PRCP: variants seen among roughly 807,000 people sequenced by gnomAD.
PRCP encodes prolylcarboxypeptidase, also known as lysosomal Pro-X carboxypeptidase.
A neutral mutation model predicts 54.2 loss-of-function variants in PRCP; 46 were observed. The observed-to-expected ratio is 0.85, with a 90% confidence interval of 0.67 to 1.09. The LOEUF (loss-of-function observed/expected upper bound fraction) is 1.09, where lower values mean the gene tolerates loss of function less well. Among genes scored for constraint, PRCP ranks in the 50% least tolerant of loss-of-function variants. The pLI is 0.00. For synonymous variants in PRCP, 240 were observed against 212.2 expected, an observed-to-expected ratio of 1.13 and a Z score of -1.14; for missense variants, 613 against 596.8, an observed-to-expected ratio of 1.03 and a Z score of -0.28.
intron 1 of PRCP, among the ~76,000 whole-genome samples, chr11:82,861,391 T>C (rs1010639187): frequency 2.6e-5 from 4 of 152,148 alleles, no homozygotes; most frequent in South Asian, 2.1e-4. Flanking sequence ...AATATGAAAA[T>C]GAACATTCAT....
chr11:82,852,613 C>T (rs1349560897), intron 3 of PRCP, among the ~76,000 whole-genome samples: 1 of 152,128 alleles, frequency 6.6e-6, no homozygotes, highest in African/African-American at 2.4e-5. Context: ...TGTAGTAGTA[C>T]ATGAATGACT....
Position 82,850,408 on chromosome 11 carries a change from T to A in PRCP, c.509A>T (p.Asn170Ile). 3 of 1,607,104 alleles carry A rather than the reference T, an allele frequency of 1.9e-6. No homozygotes were observed. The highest frequency in any genetic ancestry group is 2.6e-6 in the Non-Finnish European group (3 of 1,176,222). ...HLKRTIPGAE[N>I]QPVIAIGGSY... ...GCCTCCTATGGCAATGACAGGTTGATTTTCAGCTCCTGGGATTGTTCTTTT... is the reference window on the plus strand; with the variant it reads ...GCCTCCTATGGCAATGACAGGTTGAATTTCAGCTCCTGGGATTGTTCTTTT... Residue 170 changes from asparagine to isoleucine, a missense_variant, in exon 4 of 9, where the codon AAT becomes ATT. Physicochemically the swap from Asn to Ile is moderately radical, Grantham distance 149 (BLOSUM62 -3). Transcript: ENST00000313010.
intron 1 of PRCP, among the ~76,000 whole-genome samples, chr11:82,869,184 T>C (rs1248211012): frequency 6.6e-6 from 1 of 151,782 alleles, no homozygotes; most frequent in African/African-American, 2.4e-5. Flanking sequence ...AGCAAGACCC[T>C]GTCTCTACAA....
Position 82,875,549 on chromosome 11 carries a change from G to C in PRCP, c.169-15432C>G, listed in dbSNP as rs565298430. ...ATTAATACTGAGCCTCCTCAGCAAA[G>C]ACAAGGCTCTTTCATCGTTCCACCA... On this transcript the variant is annotated intron_variant, in intron 1 of 8. Transcript: ENST00000313010. Among the ~76,000 whole-genome samples the C allele has an allele frequency of 2.0e-4, 31 of 152,308 alleles. 1 individual carries two copies. Among genetic ancestry groups the C allele is most frequent in the African/African-American group, 7.5e-4 (31 of 41,570 alleles).
intron 2 of PRCP, among the ~76,000 whole-genome samples, chr11:82,854,214 T>G (rs73506386): frequency 2.5e-4 from 38 of 152,292 alleles, no homozygotes; most frequent in African/African-American, 8.7e-4. Flanking sequence ...GATGTCAAAC[T>G]GTCTCTTTTC....
chr11:82,841,575 G>A (rs1340343632), intron 6 of PRCP, among the ~76,000 whole-genome samples: 2 of 152,170 alleles, frequency 1.3e-5, no homozygotes, highest in African/African-American at 2.4e-5. Flanking sequence ...CAGAACTGCT[G>A]AATGTGAGAA....
chr11:82,896,942 G>C (rs914576598), intron 1 of PRCP, among the ~76,000 whole-genome samples: 1 of 151,970 alleles, frequency 6.6e-6, no homozygotes, highest in East Asian at 1.9e-4. Context: ...AAAAATGATG[G>C]CCTGACAGGA....
intron 8 of PRCP, chr11:82,827,133 G>A (rs1858255374): frequency 6.6e-6 from 1 of 152,080 alleles, no homozygotes; most frequent in Non-Finnish European, 1.5e-5. Flanking sequence ...TGCTGGTATT[G>A]TTTACAAAGC....
chr11:82,850,587 A>G (rs770838849), intron 3 of PRCP, 82 bp from the exon 4 acceptor site: 73 of 1,108,526 alleles, frequency 6.6e-5, no homozygotes, highest in Non-Finnish European at 8.6e-5. Flanking sequence ...GAAGAGAGCC[A>G]GTGTCAGATA....
At chr11:82,844,804 G>A (rs1484897694) in intron 6 of PRCP, among the ~76,000 whole-genome samples, 2 of 151,126 alleles carry the variant, frequency 1.3e-5, no homozygotes, top group Non-Finnish European at 2.9e-5. Context: ...AGACTCTCTG[G>A]AGCTTCCAAC....
rs1860237792 is a variant in PRCP at position 82,900,282 on chromosome 11, G to A, written c.121C>T (p.Leu41Phe). Residue 41 changes from leucine to phenylalanine, a missense_variant, in exon 1 of 9, where the codon CTC (leucine) becomes TTC (phenylalanine). Leu to Phe is a conservative substitution (Grantham distance 22). Transcript: ENST00000313010. The stretch of plus-strand genomic sequence containing the variant: ...GAATAGTTCTTGGCTACAGCCGGGA[G>A]GGATGTGGGGTTGGTTGGCAAGTGT... ...SLHLPTNPTS[L>F]PAVAKNYSVL... The A allele has an allele frequency of 6.2e-7, 1 of 1,614,254 alleles. No individual in the cohort carries two copies. Among genetic ancestry groups the A allele is most frequent in the African/African-American group, 1.3e-5 (1 of 75,074 alleles).
chr11:82,840,952 C>T (rs1227231969), intron 6 of PRCP: 1 of 147,810 alleles, frequency 6.8e-6, no homozygotes, highest in Non-Finnish European at 1.5e-5. Context: ...CAAATAGTCC[C>T]AGTGGCAAGG....
At chr11:82,838,654 C>T in intron 7 of PRCP, 80 bp from the exon 8 acceptor site, 3 of 1,421,548 alleles carry the variant, frequency 2.1e-6, no homozygotes, top group Non-Finnish European at 2.9e-6. Flanking sequence ...AGTCATAATG[C>T]TGGTAAGTAG....
At chr11:82,840,994 C>CT (rs1468432273) in intron 6 of PRCP, among the ~76,000 whole-genome samples, 1 of 107,432 alleles carries the variant, frequency 9.3e-6, no homozygotes, top group African/African-American at 4.1e-5. Context: ...TCTATTGACT[C>CT]TGACATGAAT....
At chr11:82,891,175 T>C (rs1860001744) in intron 1 of PRCP, among the ~76,000 whole-genome samples, 1 of 152,208 alleles carries the variant, frequency 6.6e-6, no homozygotes, top group African/African-American at 2.4e-5. Flanking sequence ...TCTTGGTAAA[T>C]GACAACTCCT....
chr11:82,874,046 G>A (rs987821980), intron 1 of PRCP, among the ~76,000 whole-genome samples: 2 of 152,032 alleles, frequency 1.3e-5, no homozygotes, highest in Admixed American at 6.6e-5. Flanking sequence ...ACATTCATCC[G>A]GTCTAAATGA....
chr11:82,827,598 C>A (rs1035574305), intron 8 of PRCP: 6 of 152,174 alleles, frequency 3.9e-5, no homozygotes, highest in African/African-American at 1.4e-4. Context: ...TCTGGACACT[C>A]GATTCTCTTC....
At chr11:82,887,360 G>A (rs1043636075) in intron 1 of PRCP, among the ~76,000 whole-genome samples, 5 of 152,126 alleles carry the variant, frequency 3.3e-5, no homozygotes, top group South Asian at 2.1e-4. Flanking sequence ...CTATTAACTC[G>A]GAGTATGGCA....
intron 6 of PRCP, chr11:82,845,798 T>G (rs1318520497): frequency 6.6e-6 from 1 of 152,170 alleles, no homozygotes; most frequent in East Asian, 1.9e-4. Flanking sequence ...AACCTAGTAG[T>G]TTTCATGCTG....
Sources: gnomAD v4.1 joint callset for allele counts (sites outside exome capture counted in the v4.1 genomes callset) on GRCh38, gnomAD v4.1.1 for gene constraint, MANE v1.5 for transcripts, NCBI Gene and HGNC (gene_info 2026-07-23, HGNC 2026-07-21) for gene names.